Variants in CNTNAP2 observed in about 807,000 individuals in gnomAD.
The protein encoded by CNTNAP2 is contactin associated protein 2.
Under a neutral mutation model 155.2 loss-of-function variants are expected in CNTNAP2, and 98 were observed. That is an observed-to-expected ratio of 0.63 (90% CI 0.54 to 0.75). The LOEUF (loss-of-function observed/expected upper bound fraction) is 0.75, where lower values mean the gene tolerates loss of function less well. Ranked by LOEUF, CNTNAP2 falls within the 30% of genes least tolerant of loss-of-function variation. CNTNAP2 has a pLI of 0.00. For missense variants in CNTNAP2, 1,727 were observed against 1,688.1 expected, an observed-to-expected ratio of 1.02 and a Z score of -0.40; for synonymous variants, 651 against 631.2, an observed-to-expected ratio of 1.03 and a Z score of -0.47.
Position 146,439,900 on chromosome 7 carries a change from G to C in CNTNAP2, c.97+322927G>C, listed in dbSNP as rs1034403378. Among the ~76,000 whole-genome samples, 10 of 151,604 alleles carry C rather than the reference G, an allele frequency of 6.6e-5. 1 individual carries two copies. The highest frequency in any genetic ancestry group is 2.4e-4 in the African/African-American group (10 of 40,904). ...GCACTTTGGGAGGCCTACGCCAGTG[G>C]ATCACCTGAGGTCAGGAGTTCGAGA... is the stretch of plus-strand genomic sequence containing the variant. On this transcript the variant is annotated intron_variant, in intron 1 of 23. Transcript: ENST00000361727.
intron 10 of CNTNAP2, among the ~76,000 whole-genome samples, chr7:147,462,301 C>T (rs573471272): frequency 6.6e-6 from 1 of 152,156 alleles, no homozygotes; most frequent in African/African-American, 2.4e-5. Flanking sequence ...TGCTTAGAGT[C>T]CCCAGTGCTT....
chr7:146,568,601 T>G (rs895363463), intron 1 of CNTNAP2, among the ~76,000 whole-genome samples: 3 of 152,196 alleles, frequency 2.0e-5, no homozygotes, highest in African/African-American at 7.2e-5. Context: ...CTTATTTTGC[T>G]GCATTCTTGT....
At chr7:147,351,733 A>T (rs549492827) in intron 9 of CNTNAP2, among the ~76,000 whole-genome samples, 1 of 151,934 alleles carries the variant, frequency 6.6e-6, no homozygotes, top group African/African-American at 2.4e-5. Flanking sequence ...AACTCCAAGC[A>T]AGCGTCTCAG....
chr7:146,464,502 A>G (rs2129125457), intron 1 of CNTNAP2, among the ~76,000 whole-genome samples: 2 of 152,276 alleles, frequency 1.3e-5, no homozygotes, highest in South Asian at 4.1e-4. Flanking sequence ...ACAGTAATCC[A>G]TAAAACCCAT....
At chr7:147,983,286 A>T (rs1324033335) in intron 15 of CNTNAP2, among the ~76,000 whole-genome samples, 1 of 152,104 alleles carries the variant, frequency 6.6e-6, no homozygotes, top group Non-Finnish European at 1.5e-5. Context: ...AGAGTTCAAA[A>T]TTTATTTATC....
chr7:146,923,671 C>T (rs146445048), intron 3 of CNTNAP2, among the ~76,000 whole-genome samples: 30 of 152,146 alleles, frequency 2.0e-4, no homozygotes, highest in Non-Finnish European at 3.2e-4. Flanking sequence ...ATTTGTTGTC[C>T]GCTACTCCTG....
chr7:147,267,736 G>T (rs1474451156), intron 8 of CNTNAP2, among the ~76,000 whole-genome samples: 1 of 152,162 alleles, frequency 6.6e-6, no homozygotes, highest in Non-Finnish European at 1.5e-5. Context: ...CATAAAATTT[G>T]TACTTAATTT....
At chr7:146,778,441 T>C (rs1802427422) in intron 2 of CNTNAP2, among the ~76,000 whole-genome samples, 1 of 152,162 alleles carries the variant, frequency 6.6e-6, no homozygotes, top group Non-Finnish European at 1.5e-5. Flanking sequence ...AATTCTGACA[T>C]GTCTTTTGGA....
intron 3 of CNTNAP2, among the ~76,000 whole-genome samples, chr7:146,912,717 A>G (rs1408570457): frequency 2.0e-5 from 3 of 152,162 alleles, no homozygotes; most frequent in Non-Finnish European, 4.4e-5. Context: ...GATGTCAAAC[A>G]TTATTTTTCT....
In CNTNAP2 at chr7:147,195,800, AAGG is replaced by A. The variant is rs545753060; in HGVS notation, c.1348+63294_1348+63296del. On this transcript the variant is annotated intron_variant, in intron 8 of 23. Coordinates refer to ENST00000361727, the MANE Select transcript of CNTNAP2 (RefSeq NM_014141.6). ...CTTGGCTGAAGTTGCTTATCAATTTAAGGAGTTTTTGGTATGAGATGATGGGGT... is the reference window on the plus strand; with the variant it reads ...CTTGGCTGAAGTTGCTTATCAATTTAAGTTTTTGGTATGAGATGATGGGGT... Among the ~76,000 whole-genome samples the A allele has an allele frequency of 5.5e-3, 838 of 152,162 alleles. 4 individuals carry two copies. Among genetic ancestry groups the A allele is most frequent in the Non-Finnish European group, 9.0e-3 (612 of 67,982 alleles).
chr7:147,808,221 G>A (rs1340153218), intron 13 of CNTNAP2, among the ~76,000 whole-genome samples: 2 of 152,102 alleles, frequency 1.3e-5, no homozygotes, highest in African/African-American at 4.8e-5. Context: ...CAATTTGTTA[G>A]CTGAGAGCCA....
At chr7:148,351,391 C>T (rs1404769466) in intron 21 of CNTNAP2, among the ~76,000 whole-genome samples, 1 of 151,974 alleles carries the variant, frequency 6.6e-6, no homozygotes, top group African/African-American at 2.4e-5. Flanking sequence ...GTGGGAACAG[C>T]GAGGACAGAG....
At chr7:147,732,379 T>C (rs1262021360) in intron 13 of CNTNAP2, among the ~76,000 whole-genome samples, 3 of 152,182 alleles carry the variant, frequency 2.0e-5, no homozygotes, top group Non-Finnish European at 2.9e-5. Flanking sequence ...ATCCTTTTTA[T>C]GGCTGCATAG....
intron 9 of CNTNAP2, among the ~76,000 whole-genome samples, chr7:147,377,337 A>G (rs955697203): frequency 1.1e-4 from 16 of 151,702 alleles, no homozygotes; most frequent in African/African-American, 3.6e-4. Flanking sequence ...ACTTACTTCT[A>G]ATCACACCCT....
intron 2 of CNTNAP2, among the ~76,000 whole-genome samples, chr7:146,807,741 C>A (rs891427600): frequency 4.0e-5 from 6 of 151,836 alleles, no homozygotes; most frequent in African/African-American, 1.2e-4. Flanking sequence ...TCTGTATTTT[C>A]TTCTTTTCAG....
chr7:146,151,650 A>ATG lies in CNTNAP2; in HGVS notation c.97+34678_97+34679insGT, dbSNP rs1478486182. On this transcript the variant is annotated intron_variant, in intron 1 of 23. Coordinates refer to ENST00000361727, the MANE Select transcript of CNTNAP2 (RefSeq NM_014141.6). ...AAGAAAACGTGATATATATATATAT[A>ATG]TATATATATATATATATATATATAT... Among the ~76,000 whole-genome samples the ATG allele has an allele frequency of 4.5e-3, 98 of 21,846 alleles. 2 individuals are homozygous for ATG. The highest frequency in any genetic ancestry group is 0.012 in the African/African-American group (76 of 6,596). The allele number at this position is 21,846 out of a possible 152,430, so 14.3% of individuals were successfully genotyped here. A position where few individuals can be genotyped will look rare whatever the true frequency, so the allele number is the denominator to read the frequency against.
intron 9 of CNTNAP2, among the ~76,000 whole-genome samples, chr7:147,345,035 TTG>T (rs1179274907): frequency 6.6e-6 from 1 of 152,186 alleles, no homozygotes; most frequent in Non-Finnish European, 1.5e-5. Context: ...TTTGACATGT[TTG>T]TGTTTTTATC....
chr7:147,448,091 A>G (rs1358591385), intron 10 of CNTNAP2, among the ~76,000 whole-genome samples: 3 of 152,154 alleles, frequency 2.0e-5, no homozygotes, highest in Non-Finnish European at 4.4e-5. Context: ...AAATCACACT[A>G]GAATTCAATG....
intron 15 of CNTNAP2, among the ~76,000 whole-genome samples, chr7:148,052,905 G>A (rs1483027828): frequency 6.6e-6 from 1 of 152,036 alleles, no homozygotes; most frequent in African/African-American, 2.4e-5. Context: ...AAATTAGCTG[G>A]GCATAGTGGC....
Sources: allele counts gnomAD v4.1 joint callset (sites outside exome capture counted in the v4.1 genomes callset), GRCh38; gene constraint gnomAD v4.1.1; transcripts MANE v1.5; gene names NCBI Gene and HGNC (gene_info 2026-07-23, HGNC 2026-07-21).